NSMAF: variants seen among roughly 807,000 people sequenced by gnomAD.
NSMAF encodes the protein neutral sphingomyelinase activation associated factor, also known as protein FAN.
NSMAF carries 90 observed loss-of-function variants against 134.9 expected under a neutral mutation model. The observed-to-expected ratio is 0.67, with a 90% CI of 0.56 to 0.79. NSMAF has a LOEUF of 0.79. Ranked by LOEUF, NSMAF falls within the 30% of genes least tolerant of loss-of-function variation. The probability of loss-of-function intolerance (pLI) is 0.00; values close to 1 mark genes in which losing one functional copy is unlikely to be tolerated. For missense variants in NSMAF, 1,010 were observed against 1,119.0 expected, an observed-to-expected ratio of 0.90 and a Z score of 1.39; for synonymous variants, 358 against 389.6, an observed-to-expected ratio of 0.92 and a Z score of 0.96.
At chr8:58,604,141 T>C (rs1203902963) in intron 12 of NSMAF, among the ~76,000 whole-genome samples, 1 of 152,218 alleles carries the variant, frequency 6.6e-6, no homozygotes, top group Non-Finnish European at 1.5e-5. Context: ...ATATTTATTC[T>C]CATCTACTTT....
intron 1 of NSMAF, 186 bp downstream of exon 1, chr8:58,659,387 C>T: frequency 6.6e-7 from 1 of 1,519,246 alleles, no homozygotes; most frequent in African/African-American, 1.4e-5. Flanking sequence ...AGACCAGGCC[C>T]CCGGCCTCTC....
chr8:58,642,481 C>T (rs749807913), intron 2 of NSMAF, among the ~76,000 whole-genome samples: 7 of 152,190 alleles, frequency 4.6e-5, no homozygotes, highest in Non-Finnish European at 7.3e-5. Context: ...TAGTTCAAAT[C>T]GCATGACTCA....
rs1343728663 is a variant in NSMAF, at chr8:58,583,709, A to T, written c.*397T>A. ...GTGGCAATTGTGATAGATTAGGAAG[A>T]CAAAACAGATTCAGAAGTAGCAGAG... On this transcript the variant is annotated 3_prime_UTR_variant, in exon 31 of 31. Coordinates refer to ENST00000038176, the MANE Select transcript of NSMAF (RefSeq NM_003580.4). The T allele has an allele frequency of 8.3e-6, 2 of 241,178 alleles. No homozygotes were observed. The highest frequency in any genetic ancestry group is 1.6e-5 in the Non-Finnish European group (2 of 123,008). 14.9% of individuals were successfully genotyped at this position (241,178 alleles called of 1,614,324 possible).
Position 58,599,735 on chromosome 8 carries a change from C to CA in NSMAF, c.1453+14dup. 1 of 1,612,320 alleles carries CA rather than the reference C, an allele frequency of 6.2e-7. No homozygotes were observed. Among genetic ancestry groups the CA allele is most frequent in the Middle Eastern group, 1.7e-4 (1 of 6,060 alleles). On this transcript the variant is annotated intron_variant, in intron 18 of 30. Coordinates refer to ENST00000038176, the MANE Select transcript of NSMAF (RefSeq NM_003580.4). ...AAGCATGTCTATAATACAACACCTCCAAGGGGGGACTCACTGGAAGCCCAA... is the reference window on the plus strand; with the variant it reads ...AAGCATGTCTATAATACAACACCTCCAAAGGGGGGACTCACTGGAAGCCCAA...
chr8:58,646,497 C>G (rs955247999), intron 1 of NSMAF, among the ~76,000 whole-genome samples: 9 of 152,110 alleles, frequency 5.9e-5, no homozygotes, highest in Admixed American at 1.3e-4. Flanking sequence ...ATTATAGCCT[C>G]CTTAATTTAT....
rs1223714919 is a variant in NSMAF at position 58,597,449 on chromosome 8, G to T, written c.1730C>A (p.Thr577Asn). 4 of 1,614,102 alleles carry T rather than the reference G, an allele frequency of 2.5e-6. No homozygotes were observed. The highest frequency in any genetic ancestry group is 2.2e-5 in the East Asian group (1 of 44,874). The change falls in exon 21 of 31, where the codon ACC becomes AAC. Residue 577 changes from threonine to asparagine, a missense_variant. By Grantham distance (65) the Thr-to-Asn change is moderately conservative (BLOSUM62 0). Coordinates refer to ENST00000038176, the MANE Select transcript of NSMAF (RefSeq NM_003580.4). ...CTGGGACAAACTTTTAAACTTTGGG[G>T]TGATCCTTCGAGGATGTGGTGTCAC... ...LFVTPHPRRI[T>N]PKFKSLSQTS... is the part of the protein sequence containing the mutation.
chr8:58,655,907 TA>T (rs199901708), intron 1 of NSMAF, among the ~76,000 whole-genome samples: 10 of 148,168 alleles, frequency 6.7e-5, no homozygotes, highest in African/African-American at 2.5e-4. Context: ...TCCGTCTCAA[TA>T]AAAAAAAACA....
intron 18 of NSMAF, 125 bp downstream of exon 18, chr8:58,599,625 C>T: frequency 9.4e-7 from 1 of 1,067,866 alleles, no homozygotes; most frequent in Non-Finnish European, 1.4e-6. Flanking sequence ...TGGAATAGGG[C>T]TCATATATCC....
intron 1 of NSMAF, among the ~76,000 whole-genome samples, chr8:58,646,480 T>C (rs1319855963): frequency 6.6e-6 from 1 of 152,178 alleles, no homozygotes; most frequent in Non-Finnish European, 1.5e-5. Context: ...TTTTGGTAAG[T>C]GAATTAATTA....
Position 58,599,852 on chromosome 8 carries a change from C to A in NSMAF, c.1351G>T (p.Gly451Cys). 5 of 1,613,894 alleles carry A rather than the reference C, an allele frequency of 3.1e-6. No homozygotes were observed. Among genetic ancestry groups the A allele is most frequent in the Non-Finnish European group, 4.2e-6 (5 of 1,179,946 alleles). The stretch of plus-strand genomic sequence containing the variant: ...TTGACTAGAAAGCTCACATCATCAC[C>A]ATAGAATTCTGGAATTAACTGAAAG... The part of the protein sequence containing the change: ...DFKELIPEFY[G>C]DDVSFLVNSL... Residue 451 changes from glycine (G) to cysteine (C), a missense_variant, in exon 18 of 31, where the codon GGT becomes TGT. By Grantham distance (159) the Gly-to-Cys change is radical. Transcript: ENST00000038176.
intron 23 of NSMAF, among the ~76,000 whole-genome samples, chr8:58,593,135 T>C (rs952890255): frequency 7.2e-5 from 11 of 152,354 alleles, no homozygotes; most frequent in South Asian, 2.1e-4. Context: ...TCTGAGGCTA[T>C]AATTTTTGGC....
chr8:58,625,393 C>T lies in NSMAF; in HGVS notation c.385-1613G>A, dbSNP rs201749156. ...GTATATGTCTGTATATATGTATATGCATATGTATGTATGTATGTATGTATA... is the reference window on the plus strand; with the variant it reads ...GTATATGTCTGTATATATGTATATGTATATGTATGTATGTATGTATGTATA... On this transcript the variant is annotated intron_variant, in intron 6 of 30. Coordinates refer to ENST00000038176, the MANE Select transcript of NSMAF (RefSeq NM_003580.4). Among the ~76,000 whole-genome samples, 13 of 79,294 alleles carry T rather than the reference C, an allele frequency of 1.6e-4. No individual in the cohort carries two copies. In the East Asian group the frequency reaches 4.1e-3, roughly 25 times the overall value. 52.0% of individuals were successfully genotyped at this position (79,294 alleles called of 152,430 possible). A position where few individuals can be genotyped will look rare whatever the true frequency, so the allele number is the denominator to read the frequency against.
chr8:58,653,841 C>T (rs1006324778), intron 1 of NSMAF, among the ~76,000 whole-genome samples: 1 of 152,050 alleles, frequency 6.6e-6, no homozygotes, highest in African/African-American at 2.4e-5. Flanking sequence ...TATTATATAG[C>T]TTACATACTC....
chr8:58,583,900 C>T lies in NSMAF; in HGVS notation c.*206G>A. ...TTACAGTGTAACATGTTTTTCCTAA[C>T]ACAGCCGCATTTTATCTGCCCTAAG... On this transcript the variant is annotated 3_prime_UTR_variant, in exon 31 of 31. Coordinates refer to ENST00000038176, the MANE Select transcript of NSMAF (RefSeq NM_003580.4). 1.1e-5 allele frequency: 6 copies of T among 565,676 alleles called. No individual in the cohort carries two copies. In the South Asian group the frequency reaches 1.2e-4, roughly 11 times the overall value. 35.0% of individuals were successfully genotyped at this position (565,676 alleles called of 1,614,324 possible). A position where few individuals can be genotyped will look rare whatever the true frequency, so the allele number is the denominator to read the frequency against.
At chr8:58,619,103 T>G (rs958366469) in intron 9 of NSMAF, among the ~76,000 whole-genome samples, 2 of 152,176 alleles carry the variant, frequency 1.3e-5, no homozygotes, top group African/African-American at 4.8e-5. Context: ...TCCCTTTCCT[T>G]TCTAAAATGG....
At chr8:58,634,251 A>G (rs545802191) in intron 5 of NSMAF, among the ~76,000 whole-genome samples, 22 of 152,340 alleles carry the variant, frequency 1.4e-4, no homozygotes, top group African/African-American at 4.8e-4. Flanking sequence ...TGGAAGGTAG[A>G]TGTAGAAAAT....
intron 6 of NSMAF, among the ~76,000 whole-genome samples, 160 bp from the exon 7 acceptor site, chr8:58,623,940 C>T (rs1806853081): frequency 6.6e-6 from 1 of 151,760 alleles, no homozygotes; most frequent in South Asian, 2.1e-4. Flanking sequence ...AGCAAGTCTA[C>T]ATAATTTGCT....
intron 2 of NSMAF, among the ~76,000 whole-genome samples, chr8:58,636,190 A>G (rs1340840403): frequency 6.6e-6 from 1 of 152,212 alleles, no homozygotes; most frequent in Non-Finnish European, 1.5e-5. Context: ...ACTCCCATGT[A>G]CCAATGGCCT....
chr8:58,623,122 G>A, intron 9 of NSMAF, 98 bp downstream of exon 9: 2 of 918,064 alleles, frequency 2.2e-6, no homozygotes, highest in South Asian at 1.5e-5. Flanking sequence ...GGTTTTGGGT[G>A]AGACCAATGA....
Sources: gnomAD v4.1 joint callset for allele counts (sites outside exome capture counted in the v4.1 genomes callset) on GRCh38, gnomAD v4.1.1 for gene constraint, MANE v1.5 for transcripts, NCBI Gene and HGNC (gene_info 2026-07-23, HGNC 2026-07-21) for gene names.